NACAD: variants seen among roughly 807,000 people sequenced by gnomAD.
NACAD encodes NAC-alpha domain-containing protein 1.
A neutral mutation model predicts 98.9 loss-of-function variants in NACAD; 47 were observed. The ratio of observed to expected loss-of-function variants is 0.48; its 90% CI spans 0.38 to 0.61. The LOEUF is 0.61. Ranked by LOEUF, NACAD falls within the 20% of genes least tolerant of loss-of-function variation. The pLI is 0.00. For missense variants in NACAD, 1,412 were observed against 1,748.2 expected (o/e 0.81, Z 3.43); for synonymous variants, 696 against 767.2 (o/e 0.91, Z 1.53).
At position 45,088,638 on chromosome 7, in the gene NACAD, AC is replaced by A. The variant is rs1184508426; in HGVS notation, c.67+189del. 3.4e-5 allele frequency among the ~76,000 whole-genome samples: 5 copies of A among 145,828 alleles called. No homozygotes were observed. The highest frequency in any genetic ancestry group is 7.5e-5 in the Non-Finnish European group (5 of 66,978). Reference sequence around the variant, plus strand: ...TCGCGGCGGGCACTTCGTGCGCCCCACCTTCCCCGCAGTTCTGAGAGAGGCG... The same window carrying A: ...TCGCGGCGGGCACTTCGTGCGCCCCACTTCCCCGCAGTTCTGAGAGAGGCG... On this transcript the variant is annotated intron_variant, in intron 1 of 7. Coordinates refer to ENST00000490531, the MANE Select transcript of NACAD (RefSeq NM_001146334.2). The surrounding 1 kb of genome is among the most constrained non-coding windows in gnomAD (Gnocchi z 5.7).
chr7:45,084,911 T>A lies in NACAD; in HGVS notation c.1269A>T (p.Thr423=). 1 of 1,551,184 alleles carries A rather than the reference T, an allele frequency of 6.4e-7. No individual in the cohort carries two copies. The highest frequency in any genetic ancestry group is 8.7e-7 in the Non-Finnish European group (1 of 1,146,994). ...ATLLQDSVQK[T]EEESGGGAKG... Reference sequence around the variant, plus strand: ...TGGCCCCACCTCCGCTCTCCTCCTCTGTCTTCTGGACACTGTCCTGGAGCA... The same window carrying A: ...TGGCCCCACCTCCGCTCTCCTCCTCAGTCTTCTGGACACTGTCCTGGAGCA... The change falls in exon 2 of 8, where the codon ACA becomes ACT. Residue 423 remains threonine (T), a synonymous_variant. Transcript: ENST00000490531.
Position 45,082,261 on chromosome 7 carries a change from T to G in NACAD, c.3919A>C (p.Ser1307Arg), listed in dbSNP as rs768416264. 26 of 1,550,288 alleles carry G rather than the reference T, an allele frequency of 1.7e-5. No individual in the cohort carries two copies. Among genetic ancestry groups the G allele is most frequent in the Non-Finnish European group, 2.3e-5 (26 of 1,146,800 alleles). Residue 1307 changes from serine to arginine, a missense_variant, in exon 2 of 8, where the codon AGC (serine) becomes CGC (arginine). Coordinates refer to ENST00000490531, the MANE Select transcript of NACAD (RefSeq NM_001146334.2). This position sits in a 1 kb window ranked among gnomAD's most constrained non-coding sequence, Gnocchi z 4.5. Reference protein sequence around the residue: ...VSLSPHSPLLSPKVASMDAKD... With the variant: ...VSLSPHSPLLRPKVASMDAKD... ...GCATCCATGGAGGCCACCTTGGGGC[T>G]GAGGAGTGGGGAGTGAGGCGAGAGG... is the stretch of plus-strand genomic sequence containing the variant.
intron 1 of NACAD, among the ~76,000 whole-genome samples, chr7:45,086,497 G>A (rs1273521545): frequency 6.6e-6 from 1 of 152,178 alleles, no homozygotes; most frequent in Non-Finnish European, 1.5e-5. Flanking sequence ...GGGGCTGGTG[G>A]TGGGAATCTG....
chr7:45,080,536 A>G lies in NACAD; in HGVS notation c.4675-13T>C, dbSNP rs1346212415. 2.6e-6 allele frequency: 4 copies of G among 1,551,258 alleles called. No homozygotes were observed. The African/African-American group carries it at 4.1e-5, about 16-fold the overall frequency. On this transcript the variant is annotated splice_polypyrimidine_tract_variant and intron_variant, in intron 7 of 7. Coordinates refer to ENST00000490531, the MANE Select transcript of NACAD (RefSeq NM_001146334.2). ...ACATGGTCAGTTCCTGCAGAAAGAG[A>G]TGGTCATGTTGGGGGAAGCACCCCG... is the stretch of plus-strand genomic sequence containing the variant.
chr7:45,080,907 C>A lies in NACAD; in HGVS notation c.4520G>T (p.Cys1507Phe), dbSNP rs1325288665. 1.3e-6 allele frequency: 2 copies of A among 1,556,946 alleles called. No individual in the cohort carries two copies. The highest frequency in any genetic ancestry group is 1.7e-6 in the Non-Finnish European group (2 of 1,150,326). Residue 1507 changes from cysteine (C) to phenylalanine (F), a missense_variant, in exon 6 of 8, where the codon TGC becomes TTC. By Grantham distance (205) the Cys-to-Phe change is radical. Transcript: ENST00000490531. ...SAPRPRVRLE[C>F]KEEEEEEEEE... ...CTCCTCCTCCTCTTCCTCTTCCTTG[C>A]ACTCCAGCCTCACCCGGGGCCTGGG...
rs1784424206 is a variant in NACAD, at chr7:45,081,138, A to ATAAG, written c.4379_4382dup (p.Val1462LeufsTer10). 1 of 1,551,314 alleles carries ATAAG rather than the reference A, an allele frequency of 6.4e-7. No homozygotes were observed. The highest frequency in any genetic ancestry group is 8.7e-7 in the Non-Finnish European group (1 of 1,146,990). ...AGACCTTGGCCTCGCCAAAGACCAC[A>ATAAG]TAAGTGTCTGAGGCTGGGCTCTTGA... On this transcript the variant is annotated frameshift_variant, in exon 5 of 8. Coordinates refer to ENST00000490531, the MANE Select transcript of NACAD (RefSeq NM_001146334.2). LOFTEE classifies it high-confidence loss of function.
In NACAD at chr7:45,085,539, G is replaced by A; in HGVS notation, c.641C>T (p.Ala214Val). 2 of 1,550,398 alleles carry A rather than the reference G, an allele frequency of 1.3e-6. No individual in the cohort carries two copies. Among genetic ancestry groups the A allele is most frequent in the Non-Finnish European group, 1.7e-6 (2 of 1,146,870 alleles). ...LRDELLDSPP[A>V]SPSGSYITAD... Reference sequence around the variant, plus strand: ...CGTAATGTAGGAGCCCGAGGGTGAGGCGGGGGGCGAGTCCAGCAGCTCATC... The same window carrying A: ...CGTAATGTAGGAGCCCGAGGGTGAGACGGGGGGCGAGTCCAGCAGCTCATC... The change falls in exon 2 of 8, where the codon GCC becomes GTC. Residue 214 changes from alanine to valine, a missense_variant. Ala to Val is a moderately conservative substitution (Grantham distance 64). Transcript: ENST00000490531. This position sits in a 1 kb window ranked among gnomAD's most constrained non-coding sequence, Gnocchi z 6.1.
chr7:45,080,857 T>C lies in NACAD; in HGVS notation c.4551+19A>G, dbSNP rs1212296777. 6.4e-7 allele frequency: 1 copy of C among 1,553,638 alleles called. No homozygotes were observed. The highest frequency in any genetic ancestry group is 1.2e-5 in the South Asian group (1 of 84,278). ...CCTCCCACCACCCCCTGCGAGGCCC[T>C]GGAGCCCCTGCACTTCACCTCTTCC... On this transcript the variant is annotated intron_variant, in intron 6 of 7. Transcript: ENST00000490531.
At chr7:45,081,460 G>GGT (rs1185541276) in intron 4 of NACAD, 141 bp downstream of exon 4, 6 of 1,245,274 alleles carry the variant, frequency 4.8e-6, no homozygotes, top group Non-Finnish European at 6.7e-6. Context: ...TTTAGGGGAA[G>GGT]GTGTGTGGGT....
At chr7:45,087,894 G>A (rs1188008711) in intron 1 of NACAD, among the ~76,000 whole-genome samples, 1 of 152,184 alleles carries the variant, frequency 6.6e-6, no homozygotes, top group African/African-American at 2.4e-5. Context: ...GGATGGAGCA[G>A]AAACCAAAGG....
In NACAD at chr7:45,085,217, C is replaced by T. The variant is rs1373663242; in HGVS notation, c.963G>A (p.Val321=). The change falls in exon 2 of 8, where the codon GTG becomes GTA. Residue 321 remains valine (V), a synonymous_variant. Transcript: ENST00000490531. This position sits in a 1 kb window ranked among gnomAD's most constrained non-coding sequence, Gnocchi z 6.1. ...LPFQGSLIFQ[V]EAVEVTPLSP... ...ATAGCGGTGTCACCTCCACTGCCTCCACCTGAAAGATGAGGCTGCCCTGGA... is the reference window on the plus strand; with the variant it reads ...ATAGCGGTGTCACCTCCACTGCCTCTACCTGAAAGATGAGGCTGCCCTGGA... The T allele has an allele frequency of 1.9e-6, 3 of 1,551,506 alleles. No homozygotes were observed. The highest frequency in any genetic ancestry group is 1.2e-5 in the South Asian group (1 of 84,058).
In NACAD at chr7:45,083,245, G is replaced by C; in HGVS notation, c.2935C>G (p.Pro979Ala). The C allele has an allele frequency of 1.3e-6, 2 of 1,550,982 alleles. No individual in the cohort carries two copies. Among genetic ancestry groups the C allele is most frequent in the Non-Finnish European group, 1.7e-6 (2 of 1,146,966 alleles). ...GGGAGGGCTGCATTCTTCTCCTCAG[G>C]TGCTGGCCTGGGGCCTAAGGCCTCA... ...VGEALGPRPA[P>A]EEKNAALPTV... The change falls in exon 2 of 8, where the codon CCT (proline) becomes GCT (alanine). Residue 979 changes from proline to alanine, a missense_variant. Around this residue, in one of 5 missense-constraint regions of NACAD, gnomAD observed 572 missense variants for 639.6 expected, o/e 0.89. Transcript: ENST00000490531.
Position 45,081,537 on chromosome 7 carries a change from G to T in NACAD, c.4257+64C>A. ...ATTAGCCATGGAGTGTGAGGGTCTT[G>T]GTAAGGACGTTCCCCACACAGATGG... On this transcript the variant is annotated intron_variant, in intron 4 of 7. Coordinates refer to ENST00000490531, the MANE Select transcript of NACAD (RefSeq NM_001146334.2). The T allele has an allele frequency of 2.6e-6, 4 of 1,532,340 alleles. No individual in the cohort carries two copies. In the South Asian group the frequency reaches 4.8e-5, roughly 18 times the overall value. The allele number at this position is 1,532,340 out of a possible 1,614,324, so 94.9% of individuals were successfully genotyped here.
chr7:45,081,446 G>C, intron 4 of NACAD, 155 bp downstream of exon 4: 1 of 1,235,500 alleles, frequency 8.1e-7, no homozygotes, highest in South Asian at 1.5e-5. Flanking sequence ...TCCAGCCTCA[G>C]CTGTTTAGGG....
In NACAD at chr7:45,083,396, C is replaced by G; in HGVS notation, c.2784G>C (p.Leu928=). 6.4e-7 allele frequency: 1 copy of G among 1,551,042 alleles called. No individual in the cohort carries two copies. The highest frequency in any genetic ancestry group is 1.2e-5 in the South Asian group (1 of 84,042). ...QDSAMTAPLP[L]QDTGPTSGPE... ...GACCTGAGGTGGGGCCTGTGTCTTG[C>G]AGAGGCAGAGGTGCTGTCATAGCGG... Residue 928 remains leucine, a synonymous_variant, in exon 2 of 8, where the codon CTG becomes CTC. Transcript: ENST00000490531.
Position 45,085,094 on chromosome 7 carries a change from C to T in NACAD, c.1086G>A (p.Leu362=). ...TGATGGACAGGTCAGACAGTGACTG[C>T]AGGAAGGAGGCAGACGTGCTGTCCT... ...GEEDSTSASF[L]QSLSDLSITE... is the part of the protein sequence containing the mutation. Residue 362 remains leucine (L), a synonymous_variant, in exon 2 of 8, where the codon CTG becomes CTA. Coordinates refer to ENST00000490531, the MANE Select transcript of NACAD (RefSeq NM_001146334.2). The surrounding 1 kb of genome is among the most constrained non-coding windows in gnomAD (Gnocchi z 6.1). 6.4e-7 allele frequency: 1 copy of T among 1,551,088 alleles called. No individual in the cohort carries two copies. The highest frequency in any genetic ancestry group is 8.7e-7 in the Non-Finnish European group (1 of 1,146,940).
rs1230799801 is a variant in NACAD, at chr7:45,082,761, G to C, written c.3419C>G (p.Pro1140Arg). Residue 1140 changes from proline to arginine, a missense_variant, in exon 2 of 8, where the codon CCC becomes CGC. Physicochemically the swap from Pro to Arg is moderately radical, Grantham distance 103. This residue lies in a region of NACAD where 572 missense variants were observed against 639.6 expected (regional missense o/e 0.89). Coordinates refer to ENST00000490531, the MANE Select transcript of NACAD (RefSeq NM_001146334.2). The surrounding 1 kb of genome is among the most constrained non-coding windows in gnomAD (Gnocchi z 4.5). ...SGKSTPEPTL[P>R]SAVATEASLD... ...ACTGGCCTCTGTGGCCACAGCTGAG[G>C]GAAGCGTGGGCTCCGGGGTGGACTT... 1 of 1,548,446 alleles carries C rather than the reference G, an allele frequency of 6.5e-7. No homozygotes were observed. The highest frequency in any genetic ancestry group is 2.4e-5 in the East Asian group (1 of 40,894).
At chr7:45,081,364 T>C in intron 4 of NACAD, 101 bp from the exon 5 acceptor site, 2 of 1,463,740 alleles carry the variant, frequency 1.4e-6, no homozygotes, top group Non-Finnish European at 1.8e-6. Context: ...CACCGCCAAC[T>C]TCCCCAAGAC....
Position 45,088,326 on chromosome 7 carries a change from C to T in NACAD, c.67+502G>A, listed in dbSNP as rs972035808. ...TTTATTCCACCACCTGGCCCTCCAT[C>T]CGGGCTTCCTAGGCTCTGGCCAGTC... On this transcript the variant is annotated intron_variant, in intron 1 of 7. Transcript: ENST00000490531. This position sits in a 1 kb window ranked among gnomAD's most constrained non-coding sequence, Gnocchi z 5.7. 6.6e-6 allele frequency among the ~76,000 whole-genome samples: 1 copy of T among 152,228 alleles called. No homozygotes were observed. Among genetic ancestry groups the T allele is most frequent in the Non-Finnish European group, 1.5e-5 (1 of 68,038 alleles).
Sources: allele counts gnomAD v4.1 joint callset (sites outside exome capture counted in the v4.1 genomes callset), GRCh38; gene constraint gnomAD v4.1.1; regional missense constraint gnomAD v4.1.1; non-coding constraint Gnocchi (gnomAD v3.1); transcripts MANE v1.5; gene names NCBI Gene and HGNC (gene_info 2026-07-23, HGNC 2026-07-21).